NTM: variants seen among roughly 807,000 people sequenced by gnomAD.
NTM encodes IgLON family member 2.
In NTM, 13 loss-of-function variants were observed where a neutral mutation model predicts 42.1. That is an observed-to-expected ratio of 0.31 (90% CI 0.20 to 0.49). The LOEUF (loss-of-function observed/expected upper bound fraction) is 0.49. Among genes scored for constraint, NTM ranks in the 20% least tolerant of loss-of-function variants. The pLI is 0.99. For missense variants in NTM, 373 were observed against 452.8 expected, an observed-to-expected ratio of 0.82 and a Z score of 1.60; for synonymous variants, 187 against 179.2, an observed-to-expected ratio of 1.04 and a Z score of -0.35.
chr11:131,585,919 G>A (rs1026370306), intron 1 of NTM, among the ~76,000 whole-genome samples: 1 of 152,106 alleles, frequency 6.6e-6, no homozygotes, highest in Non-Finnish European at 1.5e-5. Flanking sequence ...CAATTTGCCA[G>A]AACCTAACTC....
chr11:131,540,310 G>A lies in NTM; in HGVS notation c.82+169422G>A, dbSNP rs143262758. On this transcript the variant is annotated intron_variant, in intron 1 of 8. Transcript: ENST00000683400. ...CTCCCAAGTAGCTGGGACTACAGGC[G>A]CATGCCACCATGGCCAGCTAGTTGT... Among the ~76,000 whole-genome samples the A allele has an allele frequency of 1.1e-4, 17 of 152,050 alleles. No individual in the cohort carries two copies. In the East Asian group the frequency reaches 1.7e-3, roughly 16 times the overall value.
At chr11:131,505,667 T>G (rs1292613945) in intron 1 of NTM, among the ~76,000 whole-genome samples, 1 of 152,146 alleles carries the variant, frequency 6.6e-6, no homozygotes, top group Non-Finnish European at 1.5e-5. Context: ...AGTGTGTTAA[T>G]CAGTGTTCAC....
At chr11:131,811,742 T>C (rs958544087) in intron 1 of NTM, among the ~76,000 whole-genome samples, 1 of 152,202 alleles carries the variant, frequency 6.6e-6, no homozygotes, top group Non-Finnish European at 1.5e-5. Context: ...AAATTGCCAA[T>C]GGCATTGACA....
intron 1 of NTM, among the ~76,000 whole-genome samples, chr11:131,584,286 C>A (rs1400757980): frequency 1.3e-5 from 2 of 152,206 alleles, no homozygotes; most frequent in African/African-American, 4.8e-5. Context: ...CAGCATCCGA[C>A]TTTTATGGCC....
intron 1 of NTM, among the ~76,000 whole-genome samples, chr11:131,789,673 T>G: frequency 2.1e-5 from 3 of 142,372 alleles, no homozygotes; most frequent in African/African-American, 2.6e-5. Flanking sequence ...GAAGAAAGCA[T>G]GGGCCGGGGG....
At chr11:132,187,522 A>G (rs1238393568) in intron 3 of NTM, among the ~76,000 whole-genome samples, 1 of 152,140 alleles carries the variant, frequency 6.6e-6, no homozygotes, top group East Asian at 1.9e-4. Flanking sequence ...CAACTGAAGG[A>G]TTCATTACAG....
intron 2 of NTM, among the ~76,000 whole-genome samples, chr11:131,946,931 C>A (rs574678967): frequency 3.2e-4 from 49 of 152,184 alleles, no homozygotes; most frequent in Non-Finnish European, 6.2e-4. Context: ...CCTCTGAAAG[C>A]AAATTCTTGG....
intron 4 of NTM, among the ~76,000 whole-genome samples, chr11:132,249,650 A>G (rs2091696983): frequency 6.6e-6 from 1 of 152,208 alleles, no homozygotes; most frequent in Non-Finnish European, 1.5e-5. Context: ...GATTCTTAAA[A>G]CCATGTACAA....
intron 1 of NTM, among the ~76,000 whole-genome samples, chr11:131,475,901 A>G (rs776276071): frequency 7.9e-5 from 12 of 152,238 alleles, no homozygotes; most frequent in Non-Finnish European, 1.5e-4. Flanking sequence ...AGATAAAGAC[A>G]CATTCAAAAT....
intron 1 of NTM, among the ~76,000 whole-genome samples, chr11:131,433,034 T>C (rs1413643149): frequency 6.6e-6 from 1 of 151,188 alleles, no homozygotes; most frequent in Non-Finnish European, 1.5e-5. Context: ...TTTTGTATTC[T>C]TTTTAGTAGA....
intron 1 of NTM, among the ~76,000 whole-genome samples, chr11:131,749,152 G>A (rs570407297): frequency 6.6e-6 from 1 of 152,332 alleles, no homozygotes; most frequent in East Asian, 1.9e-4. Flanking sequence ...GGATGAAGTT[G>A]TTCTGAATCA....
chr11:131,596,559 C>T (rs2059827463), intron 1 of NTM, among the ~76,000 whole-genome samples: 1 of 152,234 alleles, frequency 6.6e-6, no homozygotes, highest in South Asian at 2.1e-4. Context: ...CCCTCTCTAG[C>T]CTTCCTTTCT....
intron 1 of NTM, among the ~76,000 whole-genome samples, chr11:131,698,031 C>T (rs2075661011): frequency 6.6e-6 from 1 of 152,200 alleles, no homozygotes; most frequent in African/African-American, 2.4e-5. Context: ...GCAGCACAGA[C>T]CTGCAATTAC....
chr11:132,239,365 T>C (rs923385651), intron 4 of NTM, among the ~76,000 whole-genome samples: 9 of 152,362 alleles, frequency 5.9e-5, no homozygotes, highest in Non-Finnish European at 1.3e-4. Flanking sequence ...CCTAAATGAA[T>C]TTAAAACTTA....
At chr11:132,040,118 C>T (rs926914048) in intron 2 of NTM, among the ~76,000 whole-genome samples, 2 of 151,906 alleles carry the variant, frequency 1.3e-5, no homozygotes, top group Admixed American at 6.6e-5. Context: ...TTATTAGAGA[C>T]GAGATGGGGG....
intron 7 of NTM, among the ~76,000 whole-genome samples, chr11:132,322,073 C>G (rs545741827): frequency 1.3e-4 from 20 of 152,286 alleles, no homozygotes; most frequent in African/African-American, 4.8e-4. Context: ...ACTGCAAAAA[C>G]AGGCCAAAAT....
At chr11:131,618,291 T>TA (rs1169691869) in intron 1 of NTM, among the ~76,000 whole-genome samples, 2 of 152,188 alleles carry the variant, frequency 1.3e-5, no homozygotes, top group Non-Finnish European at 2.9e-5. Flanking sequence ...TGTTTCATTT[T>TA]AAATATTTCT....
chr11:131,713,336 C>T lies in NTM; in HGVS notation c.83-198228C>T, dbSNP rs546081877. Among the ~76,000 whole-genome samples, 19 of 152,264 alleles carry T rather than the reference C, an allele frequency of 1.2e-4. No homozygotes were observed. The South Asian group carries it at 3.9e-3, about 32-fold the overall frequency. On this transcript the variant is annotated intron_variant, in intron 1 of 8. Transcript: ENST00000683400. ...GTTGTCCCTTAGCTGTGATAAAGTT[C>T]TCTCTCCAACCATTTCCTTTTTGTC...
rs1224845020 is a variant in NTM at position 131,734,457 on chromosome 11, A to T, written c.83-177107A>T. 2.0e-5 allele frequency among the ~76,000 whole-genome samples: 3 copies of T among 151,982 alleles called. 1 individual carries two copies. Among genetic ancestry groups the T allele is most frequent in the Admixed American group, 2.0e-4 (3 of 15,262 alleles). On this transcript the variant is annotated intron_variant, in intron 1 of 8. Coordinates refer to ENST00000683400, the MANE Select transcript of NTM (RefSeq NM_001352005.2). ...TGGTCTCCCTACCCCCATCCTTTTA[A>T]CAAACATGGACCTAATAAGTGCTTA...
Sources: allele counts gnomAD v4.1 joint callset (sites outside exome capture counted in the v4.1 genomes callset), GRCh38; gene constraint gnomAD v4.1.1; transcripts MANE v1.5; gene names NCBI Gene and HGNC (gene_info 2026-07-23, HGNC 2026-07-21).